The following AKAP8L variants were observed in gnomAD, a reference collection of about 807,000 sequenced individuals.
AKAP8L encodes the protein A-kinase anchor protein 8-like.
A neutral mutation model predicts 77.5 loss-of-function variants in AKAP8L; 34 were observed. The observed-to-expected ratio is 0.44, with a 90% CI of 0.33 to 0.58. The LOEUF (loss-of-function observed/expected upper bound fraction) is 0.58, where lower values mean the gene tolerates loss of function less well. AKAP8L is among the 20% of genes least tolerant of loss of function. The pLI is 0.02. For synonymous variants in AKAP8L, 342 were observed against 340.7 expected, an observed-to-expected ratio of 1.00 and a Z score of -0.04; for missense variants, 806 against 887.6, an observed-to-expected ratio of 0.91 and a Z score of 1.17.
At chr19:15,406,147 G>T (rs1385819075) in intron 2 of AKAP8L, among the ~76,000 whole-genome samples, 2 of 152,154 alleles carry the variant, frequency 1.3e-5, no homozygotes, top group East Asian at 3.9e-4. Context: ...CAACTCTCAG[G>T]AGTCCCTCCA....
Position 15,398,727 on chromosome 19 carries a change from A to G in AKAP8L, c.1157+575T>C. The G allele has an allele frequency of 2.0e-6, 2 of 989,384 alleles. No individual in the cohort carries two copies. Among genetic ancestry groups the G allele is most frequent in the Non-Finnish European group, 2.4e-6 (2 of 832,644 alleles). The allele number at this position is 989,384 out of a possible 1,614,324, so 61.3% of individuals were successfully genotyped here. A position where few individuals can be genotyped will look rare whatever the true frequency, so the allele number is the denominator to read the frequency against. On this transcript the variant is annotated intron_variant, in intron 9 of 13. Coordinates refer to ENST00000397410, the MANE Select transcript of AKAP8L (RefSeq NM_014371.4). The surrounding 1 kb of genome is among the most constrained non-coding windows in gnomAD (Gnocchi z 9.2). Reference sequence around the variant, plus strand: ...GGCTGAGGAAGGTCCAGCAAGAGCAAGAGTCTGAGGCGGAGGAGGCAAGCG... The same window carrying G: ...GGCTGAGGAAGGTCCAGCAAGAGCAGGAGTCTGAGGCGGAGGAGGCAAGCG...
chr19:15,399,199 A>G lies in AKAP8L; in HGVS notation c.1157+103T>C, dbSNP rs954954311. The G allele has an allele frequency of 9.3e-7, 1 of 1,071,068 alleles. No homozygotes were observed. The allele number at this position is 1,071,068 out of a possible 1,614,324, so 66.3% of individuals were successfully genotyped here. On this transcript the variant is annotated intron_variant, in intron 9 of 13. Transcript: ENST00000397410. The surrounding 1 kb of genome is among the most constrained non-coding windows in gnomAD (Gnocchi z 6.1). ...CACGGCCGAGCAGGTGGCGGCTCCC[A>G]AGGGAGGCCAGAGGGCGGCGAGCTG...
At chr19:15,416,673 T>C (rs1599626575) in intron 1 of AKAP8L, among the ~76,000 whole-genome samples, 1 of 152,202 alleles carries the variant, frequency 6.6e-6, no homozygotes, top group South Asian at 2.1e-4. Context: ...ACAATAAATG[T>C]TTCTATGACA....
intron 1 of AKAP8L, among the ~76,000 whole-genome samples, chr19:15,418,538 G>GC (rs1283814145): frequency 6.6e-6 from 1 of 152,226 alleles, no homozygotes; most frequent in East Asian, 1.9e-4. Context: ...CGGCAGCCGA[G>GC]CCTGCTGCCT....
chr19:15,384,419 C>G (rs937456967), intron 12 of AKAP8L, among the ~76,000 whole-genome samples: 1 of 151,438 alleles, frequency 6.6e-6, no homozygotes, highest in Admixed American at 6.6e-5. Flanking sequence ...CCTGCCTCAG[C>G]CCCCTGAGTA....
At chr19:15,405,615 G>C (rs1967980885) in intron 2 of AKAP8L, among the ~76,000 whole-genome samples, 1 of 152,066 alleles carries the variant, frequency 6.6e-6, no homozygotes, top group African/African-American at 2.4e-5. Flanking sequence ...AGGGACAGTG[G>C]GCACTAGCTA....
Position 15,418,920 on chromosome 19 carries a change from T to C in AKAP8L, c.4A>G (p.Ser2Gly). 1 of 1,604,554 alleles carries C rather than the reference T, an allele frequency of 6.2e-7. No individual in the cohort carries two copies. M[S>G]YTGFVQGSET... ...ACCCTGCCAGGCCCACCTGTGTAGC[T>C]CATGGTGGCGGGCAACACAACATCC... The change falls in exon 1 of 14, where the codon AGC becomes GGC. Residue 2 changes from serine to glycine, a missense_variant. Physicochemically the swap from Ser to Gly is moderately conservative, Grantham distance 56. Coordinates refer to ENST00000397410, the MANE Select transcript of AKAP8L (RefSeq NM_014371.4).
rs1231933358 is a variant in AKAP8L at position 15,380,583 on chromosome 19, G to GCCTC, written c.1565_1566insGAGG (p.Leu523ArgfsTer42). 6.2e-7 allele frequency: 1 copy of GCCTC among 1,613,822 alleles called. No homozygotes were observed. The highest frequency in any genetic ancestry group is 8.5e-7 in the Non-Finnish European group (1 of 1,179,874). ...TGAGAATACTGCGGGCCACCATGAG[G>GCCTC]GAGGACTTCTTGGACTGCTCCATCA... On this transcript the variant is annotated frameshift_variant, in exon 13 of 14. Coordinates refer to ENST00000397410, the MANE Select transcript of AKAP8L (RefSeq NM_014371.4). LOFTEE classifies it high-confidence loss of function.
At chr19:15,400,726 G>A in intron 7 of AKAP8L, 68 bp downstream of exon 7, 3 of 1,570,510 alleles carry the variant, frequency 1.9e-6, no homozygotes, top group Non-Finnish European at 2.6e-6. Flanking sequence ...GGCCCCCAGG[G>A]AGAGCACCAC....
chr19:15,384,980 C>CTTTTTTTTTTTTTTTTTT (rs940796391), intron 12 of AKAP8L, among the ~76,000 whole-genome samples: 12 of 137,960 alleles, frequency 8.7e-5, no homozygotes, highest in African/African-American at 3.2e-4. Context: ...ATGCCATTCT[C>CTTTTTTTTTTTTTTTTTT]TTTTTTTTTT....
At chr19:15,408,560 T>C (rs1264706845) in intron 2 of AKAP8L, among the ~76,000 whole-genome samples, 2 of 97,548 alleles carry the variant, frequency 2.1e-5, no homozygotes, top group East Asian at 3.2e-4. Flanking sequence ...CGAAACTCCA[T>C]CTCAAAAAAA....
At chr19:15,387,749 A>T (rs1017585452) in intron 12 of AKAP8L, among the ~76,000 whole-genome samples, 1 of 152,160 alleles carries the variant, frequency 6.6e-6, no homozygotes, top group Non-Finnish European at 1.5e-5. Context: ...TCATAAGATC[A>T]AGAGTTCGAG....
chr19:15,402,876 C>T (rs1967925990), intron 4 of AKAP8L, among the ~76,000 whole-genome samples: 1 of 152,238 alleles, frequency 6.6e-6, no homozygotes, highest in Non-Finnish European at 1.5e-5. Flanking sequence ...CCAGCCCCAC[C>T]AAGTACTTGC....
chr19:15,401,056 G>A lies in AKAP8L; in HGVS notation c.817-13C>T, dbSNP rs115999186. On this transcript the variant is annotated splice_polypyrimidine_tract_variant and intron_variant, in intron 5 of 13. Transcript: ENST00000397410. The surrounding 1 kb of genome is among the most constrained non-coding windows in gnomAD (Gnocchi z 6.2). ...TCTTCTTCTTGGTCTGGGTCATAAGGGGGGGAAGCCGTGTCAGGGTGCATG... is the reference window on the plus strand; with the variant it reads ...TCTTCTTCTTGGTCTGGGTCATAAGAGGGGGAAGCCGTGTCAGGGTGCATG... 3,166 of 1,611,424 alleles carry A rather than the reference G, an allele frequency of 2.0e-3. 49 individuals are homozygous for A. The African/African-American group carries it at 0.038, about 19-fold the overall frequency.
At position 15,380,091 on chromosome 19, in the gene AKAP8L, C is replaced by T. The variant is rs1164183187; in HGVS notation, c.*31G>A. On this transcript the variant is annotated 3_prime_UTR_variant, in exon 14 of 14. Coordinates refer to ENST00000397410, the MANE Select transcript of AKAP8L (RefSeq NM_014371.4). ...TATTAGGTTTGGTTTCCAGCTTCGG[C>T]CACGCGGGCTCCGCCCGCCCCGAGC... 4 of 1,453,986 alleles carry T rather than the reference C, an allele frequency of 2.8e-6. No individual in the cohort carries two copies. Among genetic ancestry groups the T allele is most frequent in the Non-Finnish European group, 3.6e-6 (4 of 1,115,322 alleles). The allele number at this position is 1,453,986 out of a possible 1,614,324, so 90.1% of individuals were successfully genotyped here. A position where few individuals can be genotyped will look rare whatever the true frequency, so the allele number is the denominator to read the frequency against.
In AKAP8L at chr19:15,410,539, A is replaced by C; in HGVS notation, c.69T>G (p.Ala23=). 1 of 1,587,780 alleles carries C rather than the reference A, an allele frequency of 6.3e-7. No homozygotes were observed. Among genetic ancestry groups the C allele is most frequent in the Non-Finnish European group, 8.6e-7 (1 of 1,166,920 alleles). ...TLQSTYSDTS[A]QPTCDYGYGT... ...ACTTACCATAATCACAGGTGGGCTG[A>C]GCGCTGGTATCCGAGTATGTCGACT... The change falls in exon 2 of 14, where the codon GCT becomes GCG. Residue 23 remains alanine, a synonymous_variant. Coordinates refer to ENST00000397410, the MANE Select transcript of AKAP8L (RefSeq NM_014371.4).
chr19:15,400,720 C>A, intron 7 of AKAP8L, 74 bp downstream of exon 7: 1 of 1,553,320 alleles, frequency 6.4e-7, no homozygotes, highest in Non-Finnish European at 8.8e-7. Context: ...GCCTCTGGCC[C>A]CCAGGGAGAG....
intron 2 of AKAP8L, among the ~76,000 whole-genome samples, chr19:15,406,362 G>GGAGA (rs3040938): frequency 0.28 from 25,108 of 88,980 alleles, 4,291 homozygotes; most frequent in East Asian, 0.42. Context: ...GAAATTTTAA[G>GGAGA]GAGAGAGAGA....
chr19:15,418,798 G>T, intron 1 of AKAP8L, 113 bp downstream of exon 1: 3 of 1,064,836 alleles, frequency 2.8e-6, no homozygotes, highest in Non-Finnish European at 4.1e-6. Context: ...TTTTGTGACC[G>T]CAGGGAAGGC....
Sources: gnomAD v4.1 joint callset for allele counts (sites outside exome capture counted in the v4.1 genomes callset) on GRCh38, gnomAD v4.1.1 for gene constraint, Gnocchi (gnomAD v3.1) non-coding constraint, MANE v1.5 for transcripts, NCBI Gene and HGNC (gene_info 2026-07-23, HGNC 2026-07-21) for gene names.